Variants in PDE4D observed in about 807,000 individuals in gnomAD.
PDE4D encodes phosphodiesterase 4D.
Under a neutral mutation model 87.4 loss-of-function variants are expected in PDE4D, and 24 were observed. That is an observed-to-expected ratio of 0.27 (90% CI 0.20 to 0.39). The LOEUF is 0.39. Among genes scored for constraint, PDE4D ranks in the 10% least tolerant of loss-of-function variants. The pLI, the probability that PDE4D is intolerant of heterozygous loss-of-function variation, is 1.00. For synonymous variants in PDE4D, 384 were observed against 383.2 expected, an observed-to-expected ratio of 1.00 and a Z score of -0.02; for missense variants, 714 against 1,041.0, an observed-to-expected ratio of 0.69 and a Z score of 4.32.
At chr5:59,427,022 C>T (rs1444255161) in intron 1 of PDE4D, among the ~76,000 whole-genome samples, 4 of 149,286 alleles carry the variant, frequency 2.7e-5, no homozygotes, top group African/African-American at 1.0e-4. Context: ...CACACACACA[C>T]ACACACACAC....
chr5:60,161,577 C>T (rs976778887), intron 2 of PDE4D, among the ~76,000 whole-genome samples: 1 of 152,080 alleles, frequency 6.6e-6, no homozygotes, highest in African/African-American at 2.4e-5. Context: ...TATTCTGGAT[C>T]CCCTAGTTGA....
chr5:59,916,850 C>T (rs1754103337), intron 3 of PDE4D, among the ~76,000 whole-genome samples: 1 of 151,332 alleles, frequency 6.6e-6, no homozygotes, highest in African/African-American at 2.4e-5. Context: ...TGCAATGGTG[C>T]AATCTCACCT....
At chr5:59,433,824 T>A (rs900067354) in intron 1 of PDE4D, among the ~76,000 whole-genome samples, 1 of 152,082 alleles carries the variant, frequency 6.6e-6, no homozygotes, top group African/African-American at 2.4e-5. Flanking sequence ...TTTTCATCAC[T>A]ATGCTAGACG....
chr5:59,689,055 C>A (rs183150190), intron 1 of PDE4D, among the ~76,000 whole-genome samples: 3 of 152,064 alleles, frequency 2.0e-5, no homozygotes, highest in African/African-American at 7.2e-5. Flanking sequence ...CAATAACAGG[C>A]TCTGAAATTG....
intron 1 of PDE4D, among the ~76,000 whole-genome samples, chr5:59,441,294 A>G (rs544145290): frequency 6.6e-6 from 1 of 152,134 alleles, no homozygotes; most frequent in Non-Finnish European, 1.5e-5. Flanking sequence ...ACAGTGATTC[A>G]CCATGTTGCC....
At chr5:60,376,306 A>T (rs1277652043) in intron 1 of PDE4D, among the ~76,000 whole-genome samples, 5 of 152,162 alleles carry the variant, frequency 3.3e-5, no homozygotes, top group Admixed American at 3.3e-4. Context: ...ATTTAACAGA[A>T]GCAAAAAACA....
At chr5:59,828,960 GA>G (rs1581297505) in intron 1 of PDE4D, among the ~76,000 whole-genome samples, 1 of 151,818 alleles carries the variant, frequency 6.6e-6, no homozygotes, top group African/African-American at 2.4e-5. Flanking sequence ...AAATCAAAGG[GA>G]AAAAAATACT....
intron 1 of PDE4D, among the ~76,000 whole-genome samples, chr5:59,829,202 AC>A (rs1198508881): frequency 2.0e-5 from 3 of 152,168 alleles, no homozygotes; most frequent in Admixed American, 1.3e-4. Flanking sequence ...GATGCAGGAT[AC>A]AGTCACAGGA....
At chr5:60,079,968 G>C (rs1395226864) in intron 2 of PDE4D, among the ~76,000 whole-genome samples, 1 of 152,192 alleles carries the variant, frequency 6.6e-6, no homozygotes, top group Non-Finnish European at 1.5e-5. Flanking sequence ...ACTTTGGGCA[G>C]TATGGTCATT....
Position 59,053,533 on chromosome 5 carries a change from TTA to T in PDE4D, c.809-14564_809-14563del, listed in dbSNP as rs1561395720. Among the ~76,000 whole-genome samples, 4 of 152,126 alleles carry T rather than the reference TTA, an allele frequency of 2.6e-5. 1 individual carries two copies. The highest frequency in any genetic ancestry group is 2.1e-4 in the South Asian group (1 of 4,834). On this transcript the variant is annotated intron_variant, in intron 5 of 14. Transcript: ENST00000340635. ...ACAAATTTGAGATTTACTAAAATTA[TTA>T]TATGTGTGTCCTTCTGAAGACTTCA...
chr5:59,616,443 G>T (rs1829679178), intron 1 of PDE4D, among the ~76,000 whole-genome samples: 1 of 152,084 alleles, frequency 6.6e-6, no homozygotes, highest in African/African-American at 2.4e-5. Context: ...GATGTGGTCA[G>T]ATCTATGATC....
intron 9 of PDE4D, 105 bp downstream of exon 9, chr5:58,990,699 A>G: frequency 6.2e-6 from 4 of 640,548 alleles, no homozygotes; most frequent in Non-Finnish European, 1.1e-5. Flanking sequence ...TATAAAAATA[A>G]GCAAAAGGTG....
intron 1 of PDE4D, among the ~76,000 whole-genome samples, chr5:59,546,992 G>A (rs182077806): frequency 2.6e-5 from 4 of 152,226 alleles, no homozygotes; most frequent in African/African-American, 9.6e-5. Flanking sequence ...ACCAACAACA[G>A]TAGTTCTTGT....
intron 1 of PDE4D, chr5:60,521,680 G>T: frequency 6.6e-6 from 1 of 152,154 alleles, no homozygotes; most frequent in East Asian, 1.9e-4. Context: ...GAGAATAAGG[G>T]AGAGGGGAGG....
At chr5:59,988,205 T>C (rs1444005227) in intron 3 of PDE4D, 3 of 308,560 alleles carry the variant, frequency 9.7e-6, no homozygotes, top group Admixed American at 4.7e-5. Context: ...TCAAGTCACA[T>C]ATGGCCAATA....
chr5:59,264,227 C>T (rs1762485435), intron 1 of PDE4D, among the ~76,000 whole-genome samples: 1 of 151,964 alleles, frequency 6.6e-6, no homozygotes, highest in South Asian at 2.1e-4. Context: ...TTCTCTGAGA[C>T]CAACGCAGCT....
At position 59,687,489 on chromosome 5, in the gene PDE4D, G is replaced by A. The variant is rs111850554; in HGVS notation, c.455+205679C>T. On this transcript the variant is annotated intron_variant, in intron 1 of 14. Coordinates refer to ENST00000340635, the MANE Select transcript of PDE4D (RefSeq NM_001104631.2). ...AGCCAAACTAAGTTTCATAAGTGAA[G>A]GAGAAATAAAATCCTTTACAGACAA... is the stretch of plus-strand genomic sequence containing the variant. 1.7e-3 allele frequency among the ~76,000 whole-genome samples: 262 copies of A among 152,240 alleles called. 1 individual carries two copies. The highest frequency in any genetic ancestry group is 2.8e-3 in the Non-Finnish European group (192 of 68,008).
At chr5:60,430,064 C>A (rs992714749) in intron 1 of PDE4D, 1 of 523,930 alleles carries the variant, frequency 1.9e-6, no homozygotes, top group Non-Finnish European at 3.8e-6. Context: ...TTGGCCCAGA[C>A]AGCTTTGTTG....
In PDE4D at chr5:60,278,600, T is replaced by C. The variant is rs570790567; in HGVS notation, c.-89-92913A>G. Among the ~76,000 whole-genome samples the C allele has an allele frequency of 5.3e-5, 8 of 152,124 alleles. No individual in the cohort carries two copies. In the South Asian group the frequency reaches 1.5e-3, roughly 28 times the overall value. On this transcript the variant is annotated intron_variant, in intron 1 of 16. Transcript: ENST00000502484. ...TGTTTTGTTTTGTTTTTCCCATTTA[T>C]TTTTTTTCTGTTGTTTAGGCTAGGT...
Sources: gnomAD v4.1 joint callset for allele counts (sites outside exome capture counted in the v4.1 genomes callset) on GRCh38, gnomAD v4.1.1 for gene constraint, MANE v1.5 for transcripts, NCBI Gene and HGNC (gene_info 2026-07-23, HGNC 2026-07-21) for gene names.